The following KIRREL3 variants were observed in gnomAD, a reference collection of about 807,000 sequenced individuals.
KIRREL3 encodes kirre like nephrin family adhesion molecule 3.
KIRREL3 carries 36 observed loss-of-function variants against 89.7 expected under a neutral mutation model. That is an observed-to-expected ratio of 0.40 (90% CI 0.31 to 0.53). KIRREL3 has a LOEUF of 0.53. Ranked by LOEUF, KIRREL3 falls within the 20% of genes least tolerant of loss-of-function variation. The probability of loss-of-function intolerance (pLI) is 0.49; values close to 1 mark genes in which losing one functional copy is unlikely to be tolerated. For synonymous variants in KIRREL3, 445 were observed against 441.4 expected (o/e 1.01, Z -0.10); for missense variants, 864 against 1,056.6 (o/e 0.82, Z 2.53).
chr11:126,591,822 G>A (rs186440378), intron 1 of KIRREL3, among the ~76,000 whole-genome samples: 2 of 152,316 alleles, frequency 1.3e-5, no homozygotes, highest in African/African-American at 4.8e-5. Flanking sequence ...TAAGGAAACT[G>A]AAGTTCAGAA....
chr11:126,721,808 A>G (rs1948183481), intron 1 of KIRREL3, among the ~76,000 whole-genome samples: 3 of 152,180 alleles, frequency 2.0e-5, no homozygotes, highest in Admixed American at 2.0e-4. Flanking sequence ...GGACAGCTGC[A>G]GCTTCACACC....
At position 126,724,427 on chromosome 11, in the gene KIRREL3, G is replaced by A. The variant is rs1445304269; in HGVS notation, c.56-161515C>T. Among the ~76,000 whole-genome samples the A allele has an allele frequency of 6.6e-6, 1 of 152,190 alleles. No homozygotes were observed. Among genetic ancestry groups the A allele is most frequent in the African/African-American group, 2.4e-5 (1 of 41,438 alleles). On this transcript the variant is annotated intron_variant, in intron 1 of 16. Coordinates refer to ENST00000525144, the MANE Select transcript of KIRREL3 (RefSeq NM_032531.4). The surrounding 1 kb of genome is among the most constrained non-coding windows in gnomAD (Gnocchi z 4.3). ...ATCTCTTATGGACAAGATGCAGAGT[G>A]AGTGAGCCAGCAGATGGACACCCTG...
At chr11:126,438,656 T>C (rs1273538901) in intron 11 of KIRREL3, among the ~76,000 whole-genome samples, 2 of 152,252 alleles carry the variant, frequency 1.3e-5, no homozygotes, top group Non-Finnish European at 2.9e-5. Flanking sequence ...GAGCATGTGT[T>C]ACATTTATAA....
intron 1 of KIRREL3, among the ~76,000 whole-genome samples, chr11:126,824,656 T>A (rs1943345700): frequency 6.6e-6 from 1 of 152,208 alleles, no homozygotes; most frequent in Non-Finnish European, 1.5e-5. Flanking sequence ...GTTGCATTAT[T>A]TTGAGTCTTT....
At chr11:126,847,731 T>C (rs1413263241) in intron 1 of KIRREL3, among the ~76,000 whole-genome samples, 1 of 152,224 alleles carries the variant, frequency 6.6e-6, no homozygotes, top group Non-Finnish European at 1.5e-5. Flanking sequence ...AGAAAACTCT[T>C]CTGTTGAGCT....
chr11:126,906,446 A>G lies in KIRREL3; in HGVS notation c.55+94009T>C, dbSNP rs1188598528. 6.6e-6 allele frequency among the ~76,000 whole-genome samples: 1 copy of G among 152,196 alleles called. No individual in the cohort carries two copies. Among genetic ancestry groups the G allele is most frequent in the African/African-American group, 2.4e-5 (1 of 41,438 alleles). On this transcript the variant is annotated intron_variant, in intron 1 of 16. Transcript: ENST00000525144. The surrounding 1 kb of genome is among the most constrained non-coding windows in gnomAD (Gnocchi z 4.1). The stretch of plus-strand genomic sequence containing the variant: ...ATTAGCAGCAAGGTTACTCCCAAAG[A>G]GACATGTTACAGCCCCTACCAGATG...
chr11:126,972,632 C>T (rs1004994246), intron 1 of KIRREL3, among the ~76,000 whole-genome samples: 3 of 152,178 alleles, frequency 2.0e-5, no homozygotes, highest in Non-Finnish European at 2.9e-5. Flanking sequence ...GAGCCTGGCT[C>T]CTCAGCTCTT....
Position 126,526,310 on chromosome 11 carries a change from G to A in KIRREL3, c.283+228C>T, listed in dbSNP as rs1158651049. Among the ~76,000 whole-genome samples, 6 of 152,200 alleles carry A rather than the reference G, an allele frequency of 3.9e-5. No homozygotes were observed. The highest frequency in any genetic ancestry group is 7.3e-5 in the Non-Finnish European group (5 of 68,028). On this transcript the variant is annotated intron_variant, in intron 3 of 16. Transcript: ENST00000525144. The surrounding 1 kb of genome is among the most constrained non-coding windows in gnomAD (Gnocchi z 5.7). ...ATGTCGAGTTAGGTTAGGACCCACC[G>A]CTAGAAGGAGGGTTTGCTTATGGTT...
chr11:126,634,655 G>T (rs1460754740), intron 1 of KIRREL3, among the ~76,000 whole-genome samples: 4 of 152,178 alleles, frequency 2.6e-5, no homozygotes, highest in Non-Finnish European at 5.9e-5. Context: ...AGGGAACCAG[G>T]TCCCTTGTAC....
chr11:126,502,924 A>G (rs1262058998), intron 4 of KIRREL3, among the ~76,000 whole-genome samples: 1 of 152,126 alleles, frequency 6.6e-6, no homozygotes, highest in Non-Finnish European at 1.5e-5. Flanking sequence ...GGTGGCAAGG[A>G]GGTGGGGTGA....
rs553895775 is a variant in KIRREL3, at chr11:126,478,699, A to C, written c.434-5233T>G. Among the ~76,000 whole-genome samples, 92 of 152,190 alleles carry C rather than the reference A, an allele frequency of 6.0e-4. 1 individual carries two copies. The highest frequency in any genetic ancestry group is 1.1e-3 in the Non-Finnish European group (77 of 68,010). On this transcript the variant is annotated intron_variant, in intron 4 of 16. Transcript: ENST00000525144. ...TGTATGTATGTGCATGTAGATGTACATGTGTGTATACATGTGTATGGGTGT... is the reference window on the plus strand; with the variant it reads ...TGTATGTATGTGCATGTAGATGTACCTGTGTGTATACATGTGTATGGGTGT...
Position 126,569,329 on chromosome 11 carries a change from A to C in KIRREL3, c.56-6417T>G, listed in dbSNP as rs1250361937. ...CTAGGCTGAAGAAATATTTTTAACC[A>C]GTTGCGTTGACCTCAGAGGGTAAAC... On this transcript the variant is annotated intron_variant, in intron 1 of 16. Coordinates refer to ENST00000525144, the MANE Select transcript of KIRREL3 (RefSeq NM_032531.4). This position sits in a 1 kb window ranked among gnomAD's most constrained non-coding sequence, Gnocchi z 6.5. Among the ~76,000 whole-genome samples, 1 of 152,208 alleles carries C rather than the reference A, an allele frequency of 6.6e-6. No individual in the cohort carries two copies. Among genetic ancestry groups the C allele is most frequent in the Non-Finnish European group, 1.5e-5 (1 of 68,030 alleles).
At chr11:126,803,993 C>T (rs1298264611) in intron 1 of KIRREL3, among the ~76,000 whole-genome samples, 1 of 152,110 alleles carries the variant, frequency 6.6e-6, no homozygotes, top group Non-Finnish European at 1.5e-5. Context: ...GACAAGTGGC[C>T]TTTGTGGTTA....
chr11:126,491,320 C>T lies in KIRREL3; in HGVS notation c.434-17854G>A, dbSNP rs370539600. On this transcript the variant is annotated intron_variant, in intron 4 of 16. Transcript: ENST00000525144. The surrounding 1 kb of genome is among the most constrained non-coding windows in gnomAD (Gnocchi z 5.5). Reference sequence around the variant, plus strand: ...GTAATGTGAGCCCAAGGAGGGCGGGCGCGTGCTGGCTCTGAGCGGGTGCTT... The same window carrying T: ...GTAATGTGAGCCCAAGGAGGGCGGGTGCGTGCTGGCTCTGAGCGGGTGCTT... Among the ~76,000 whole-genome samples the T allele has an allele frequency of 3.2e-4, 48 of 152,308 alleles. No homozygotes were observed. The East Asian group carries it at 7.7e-3, about 25-fold the overall frequency.
At position 126,652,098 on chromosome 11, in the gene KIRREL3, A is replaced by G. The variant is rs1944928259; in HGVS notation, c.56-89186T>C. 6.6e-6 allele frequency among the ~76,000 whole-genome samples: 1 copy of G among 152,218 alleles called. No individual in the cohort carries two copies. Among genetic ancestry groups the G allele is most frequent in the African/African-American group, 2.4e-5 (1 of 41,442 alleles). On this transcript the variant is annotated intron_variant, in intron 1 of 16. Transcript: ENST00000525144. The surrounding 1 kb of genome is among the most constrained non-coding windows in gnomAD (Gnocchi z 4.9). ...ATTCTGGGCCAGGAGGAAGATAGGC[A>G]CTAGTAGGTCTGATCTGTCTGGAGG...
At position 126,805,948 on chromosome 11, in the gene KIRREL3, A is replaced by C. The variant is rs912074247; in HGVS notation, c.55+194507T>G. The stretch of plus-strand genomic sequence containing the variant: ...CGGCCTCTCCCTTGGCTGTCCTCTG[A>C]ATGTGCCTGTGCCCCCAAATCCTCC... On this transcript the variant is annotated intron_variant, in intron 1 of 16. Transcript: ENST00000525144. This position sits in a 1 kb window ranked among gnomAD's most constrained non-coding sequence, Gnocchi z 4.3. Among the ~76,000 whole-genome samples, 3 of 152,086 alleles carry C rather than the reference A, an allele frequency of 2.0e-5. No homozygotes were observed. The highest frequency in any genetic ancestry group is 4.4e-5 in the Non-Finnish European group (3 of 68,020).
At chr11:126,711,635 T>C (rs192966573) in intron 1 of KIRREL3, among the ~76,000 whole-genome samples, 16 of 152,340 alleles carry the variant, frequency 1.1e-4, no homozygotes, top group Admixed American at 2.6e-4. Context: ...ATTAGTATCA[T>C]GTTAGCTGTA....
At chr11:126,784,514 A>T (rs1408231533) in intron 1 of KIRREL3, among the ~76,000 whole-genome samples, 2 of 148,808 alleles carry the variant, frequency 1.3e-5, no homozygotes, top group Non-Finnish European at 1.5e-5. Flanking sequence ...TTACGTCCTC[A>T]GTCAGGTGCC....
intron 2 of KIRREL3, among the ~76,000 whole-genome samples, chr11:126,543,662 T>TA (rs1333712499): frequency 7.2e-5 from 11 of 152,138 alleles, no homozygotes; most frequent in African/African-American, 2.7e-4. Flanking sequence ...GGGAAGCCGA[T>TA]AGGACAGCCC....
Sources: gnomAD v4.1 joint callset for allele counts (sites outside exome capture counted in the v4.1 genomes callset) on GRCh38, gnomAD v4.1.1 for gene constraint, Gnocchi (gnomAD v3.1) non-coding constraint, MANE v1.5 for transcripts, NCBI Gene and HGNC (gene_info 2026-07-23, HGNC 2026-07-21) for gene names.